The following NAT10 variants were observed in gnomAD, a reference collection of about 807,000 sequenced individuals.
NAT10 encodes N-acetyltransferase 10.
In NAT10, 109 loss-of-function variants were observed where a neutral mutation model predicts 132.2. The ratio of observed to expected loss-of-function variants is 0.82; its 90% CI spans 0.71 to 0.97. NAT10 has a LOEUF of 0.97. Ranked by LOEUF, NAT10 falls within the 50% of genes least tolerant of loss-of-function variation. The pLI is 0.00. For missense variants in NAT10, 1,184 were observed against 1,263.4 expected (o/e 0.94, Z 0.95); for synonymous variants, 479 against 478.0 (o/e 1.00, Z -0.03).
Position 34,141,187 on chromosome 11 carries a change from G to A in NAT10, c.2691G>A (p.Arg897=). 1.2e-6 allele frequency: 2 copies of A among 1,614,026 alleles called. No individual in the cohort carries two copies. Residue 897 remains arginine, a synonymous_variant, in exon 25 of 29, where the codon CGG becomes CGA. Coordinates refer to ENST00000257829, the MANE Select transcript of NAT10 (RefSeq NM_024662.3). The part of the protein sequence containing the change: ...PSGQLMGLFN[R]IIRKVVKLFN... ...GCCAGTTGATGGGACTTTTCAACCG[G>A]ATCATCCGCAAAGTTGTGAAGGTAA...
In NAT10 at chr11:34,118,392, G is replaced by A. The variant is rs370091191; in HGVS notation, c.673-4G>A. 2.5e-5 allele frequency: 41 copies of A among 1,613,648 alleles called. No homozygotes were observed. The African/African-American group carries it at 5.1e-4, about 20-fold the overall frequency. ...AGACCTTCCCCTTCTCCTCTCTCTGGTAGGATGAGAGTCTTGGTCCTTCTG... is the reference window on the plus strand; with the variant it reads ...AGACCTTCCCCTTCTCCTCTCTCTGATAGGATGAGAGTCTTGGTCCTTCTG... On this transcript the variant is annotated splice_region_variant and splice_polypyrimidine_tract_variant and intron_variant, in intron 7 of 28. Transcript: ENST00000257829.
At chr11:34,123,980 A>C in intron 10 of NAT10, 125 bp downstream of exon 10, 1 of 688,852 alleles carries the variant, frequency 1.5e-6, no homozygotes, top group Non-Finnish European at 2.5e-6. Context: ...GACCAGCCTG[A>C]CCAACATAGA....
Position 34,134,583 on chromosome 11 carries a change from A to C in NAT10, c.1908A>C (p.Gln636His). The C allele has an allele frequency of 6.2e-7, 1 of 1,614,064 alleles. No homozygotes were observed. Among genetic ancestry groups the C allele is most frequent in the Non-Finnish European group, 8.5e-7 (1 of 1,180,006 alleles). The stretch of plus-strand genomic sequence containing the variant: ...GCATTGCTGTTCACCCAGATTATCA[A>C]GGGGTAATGTGTCCTCAGGCTCCCC... ...VVRIAVHPDY[Q>H]GMGYGSRALQ... The change falls in exon 18 of 29, where the codon CAA (glutamine) becomes CAC (histidine). Residue 636 changes from glutamine to histidine, a missense_variant. Gln to His is a conservative substitution (Grantham distance 24). Coordinates refer to ENST00000257829, the MANE Select transcript of NAT10 (RefSeq NM_024662.3).
At chr11:34,127,004 G>C (rs1852006232) in intron 11 of NAT10, among the ~76,000 whole-genome samples, 1 of 152,180 alleles carries the variant, frequency 6.6e-6, no homozygotes, top group Non-Finnish European at 1.5e-5. Context: ...CCACCACTGG[G>C]GTCGAGCTAT....
At chr11:34,141,320 GTC>G in intron 25 of NAT10, 112 bp downstream of exon 25, 3 of 1,329,198 alleles carry the variant, frequency 2.3e-6, no homozygotes, top group Non-Finnish European at 3.1e-6. Flanking sequence ...GCTGCATCTC[GTC>G]ACACACACAC....
chr11:34,136,359 G>T (rs1852212501), intron 19 of NAT10, among the ~76,000 whole-genome samples: 1 of 152,202 alleles, frequency 6.6e-6, no homozygotes, highest in South Asian at 2.1e-4. Context: ...TGGGATTACA[G>T]GCATGAGCCA....
At chr11:34,146,056 ATTCT>A (rs748885223) in intron 28 of NAT10, 24 bp from the exon 29 acceptor site, 3 of 1,475,530 alleles carry the variant, frequency 2.0e-6, no homozygotes, top group East Asian at 2.3e-5. Flanking sequence ...TACATATTTC[ATTCT>A]TTCTATTTTT....
intron 1 of NAT10, among the ~76,000 whole-genome samples, chr11:34,106,551 G>C (rs1272718158): frequency 6.6e-6 from 1 of 152,108 alleles, no homozygotes; most frequent in Non-Finnish European, 1.5e-5. Flanking sequence ...GGCTCCCACA[G>C]TAGCTAGAGC....
At chr11:34,128,350 T>C (rs1013430710) in intron 12 of NAT10, among the ~76,000 whole-genome samples, 38 of 135,644 alleles carry the variant, frequency 2.8e-4, no homozygotes, top group Non-Finnish European at 2.9e-4. Context: ...CGAGACTGTC[T>C]CAAAAACAAA....
chr11:34,142,250 T>C lies in NAT10; in HGVS notation c.2812-25T>C, dbSNP rs756707846. 2.5e-6 allele frequency: 4 copies of C among 1,610,758 alleles called. No individual in the cohort carries two copies. The East Asian group carries it at 8.9e-5, about 36-fold the overall frequency. ...GGTTCAATCCTTGACTCTGACTTAG[T>C]CTCTTTATGGGTCCTTAACCACAGG... is the stretch of plus-strand genomic sequence containing the variant. On this transcript the variant is annotated intron_variant, in intron 26 of 28. Transcript: ENST00000257829.
At position 34,141,195 on chromosome 11, in the gene NAT10, G is replaced by T. The variant is rs765389946; in HGVS notation, c.2699G>T (p.Arg900Leu). Residue 900 changes from arginine to leucine, a missense_variant, in exon 25 of 29, where the codon CGC becomes CTC. By Grantham distance (102) the Arg-to-Leu change is moderately radical. Transcript: ENST00000257829. ...QLMGLFNRII[R>L]KVVKLFNEVQ... is the part of the protein sequence containing the mutation. The stretch of plus-strand genomic sequence containing the variant: ...ATGGGACTTTTCAACCGGATCATCC[G>T]CAAAGTTGTGAAGGTAACCTCAGCC... The T allele has an allele frequency of 1.9e-6, 3 of 1,613,772 alleles. No homozygotes were observed. Among genetic ancestry groups the T allele is most frequent in the African/African-American group, 1.3e-5 (1 of 74,820 alleles).
At chr11:34,115,920 A>G (rs371762819) in intron 6 of NAT10, 36 bp downstream of exon 6, 18 of 1,599,710 alleles carry the variant, frequency 1.1e-5, no homozygotes, top group Non-Finnish European at 1.5e-5. Context: ...TGGGGCAGCC[A>G]CATTGGGAGG....
chr11:34,107,195 T>G (rs1851611475), intron 1 of NAT10: 1 of 152,172 alleles, frequency 6.6e-6, no homozygotes, highest in South Asian at 2.1e-4. Context: ...AAGTTTTGTA[T>G]TTTTAGTAGA....
At chr11:34,121,389 G>A (rs75047560) in intron 8 of NAT10, among the ~76,000 whole-genome samples, 2 of 152,116 alleles carry the variant, frequency 1.3e-5, no homozygotes, top group East Asian at 1.9e-4. Context: ...AACAGGATTC[G>A]CTGACGAATC....
intron 23 of NAT10, 30 bp from the exon 24 acceptor site, chr11:34,140,370 A>G (rs113529343): frequency 1.3e-6 from 2 of 1,594,978 alleles, no homozygotes; most frequent in East Asian, 2.3e-5. Flanking sequence ...CGGGTGACCT[A>G]ACCTGTCTAG....
At chr11:34,111,386 G>A (rs1388579545) in intron 3 of NAT10, among the ~76,000 whole-genome samples, 1 of 152,194 alleles carries the variant, frequency 6.6e-6, no homozygotes, top group African/African-American at 2.4e-5. Context: ...GAGAACTATG[G>A]TAAAATTTTG....
At chr11:34,130,590 C>A (rs1852086727) in intron 12 of NAT10, among the ~76,000 whole-genome samples, 1 of 152,206 alleles carries the variant, frequency 6.6e-6, no homozygotes, top group Admixed American at 6.5e-5. Flanking sequence ...AGTAGATGAG[C>A]CAGGACGTGA....
At position 34,112,175 on chromosome 11, in the gene NAT10, C is replaced by T. The variant is rs555260618; in HGVS notation, c.324C>T (p.Asn108=). 28 of 1,614,230 alleles carry T rather than the reference C, an allele frequency of 1.7e-5. No individual in the cohort carries two copies. The South Asian group carries it at 1.9e-4, about 11-fold the overall frequency. Residue 108 remains asparagine (N), a synonymous_variant, in exon 4 of 29, where the codon AAC becomes AAT. Coordinates refer to ENST00000257829, the MANE Select transcript of NAT10 (RefSeq NM_024662.3). ...AATNIRYCYY[N]ETHKILGNTF... ...CAAACATTCGCTACTGCTACTACAACGAGACCCACAAGATCCTGGGCAATA... is the reference window on the plus strand; with the variant it reads ...CAAACATTCGCTACTGCTACTACAATGAGACCCACAAGATCCTGGGCAATA...
intron 8 of NAT10, 60 bp from the exon 9 acceptor site, chr11:34,122,399 A>G (rs554103740): frequency 1.2e-6 from 2 of 1,606,588 alleles, no homozygotes; most frequent in Admixed American, 3.3e-5. Context: ...AGTGATGGTG[A>G]TGAATGGTGG....
Sources: gnomAD v4.1 joint callset for allele counts (sites outside exome capture counted in the v4.1 genomes callset) on GRCh38, gnomAD v4.1.1 for gene constraint, MANE v1.5 for transcripts, NCBI Gene and HGNC (gene_info 2026-07-23, HGNC 2026-07-21) for gene names.